MINPP1: variants seen among roughly 807,000 people sequenced by gnomAD.
MINPP1 encodes the protein multiple inositol polyphosphate phosphatase 1.
MINPP1 carries 28 observed loss-of-function variants against 46.1 expected under a neutral mutation model. The observed-to-expected ratio is 0.61, with a 90% CI of 0.45 to 0.83. The LOEUF (loss-of-function observed/expected upper bound fraction) is 0.83, where lower values mean the gene tolerates loss of function less well. Ranked by LOEUF, MINPP1 falls within the 40% of genes least tolerant of loss-of-function variation. The pLI, the probability that MINPP1 is intolerant of heterozygous loss-of-function variation, is 0.00. For missense variants in MINPP1, 603 were observed against 610.0 expected, an observed-to-expected ratio of 0.99 and a Z score of 0.12; for synonymous variants, 268 against 249.1, an observed-to-expected ratio of 1.08 and a Z score of -0.72.
At chr10:87,513,515 A>G (rs916738194) in intron 3 of MINPP1, among the ~76,000 whole-genome samples, 1 of 152,194 alleles carries the variant, frequency 6.6e-6, no homozygotes, top group Non-Finnish European at 1.5e-5. Context: ...ATCAAATTTT[A>G]CTGCTTGGAA....
intron 4 of MINPP1, among the ~76,000 whole-genome samples, chr10:87,551,748 G>A (rs893663009): frequency 6.6e-6 from 1 of 152,080 alleles, no homozygotes; most frequent in Non-Finnish European, 1.5e-5. Flanking sequence ...GCACAGAAAG[G>A]CAATACAGTG....
intron 4 of MINPP1, among the ~76,000 whole-genome samples, chr10:87,550,608 G>A (rs1232370902): frequency 1.3e-5 from 2 of 151,900 alleles, no homozygotes; most frequent in Non-Finnish European, 2.9e-5. Flanking sequence ...TTGTTTTCCT[G>A]AACATTTAGA....
intron 4 of MINPP1, among the ~76,000 whole-genome samples, chr10:87,527,792 G>A (rs1047563601): frequency 5.3e-5 from 8 of 152,098 alleles, no homozygotes; most frequent in Non-Finnish European, 1.0e-4. Context: ...GTACCAGCTC[G>A]TCTTTGTACC....
intron 4 of MINPP1, among the ~76,000 whole-genome samples, chr10:87,547,886 A>C (rs1851910419): frequency 6.6e-6 from 1 of 152,170 alleles, no homozygotes; most frequent in Non-Finnish European, 1.5e-5. Flanking sequence ...ATCGATCAAT[A>C]TGTGATAGCA....
At chr10:87,551,448 A>C (rs1381741091) in intron 4 of MINPP1, among the ~76,000 whole-genome samples, 1 of 152,152 alleles carries the variant, frequency 6.6e-6, no homozygotes, top group Non-Finnish European at 1.5e-5. Flanking sequence ...CAAGAAAAAG[A>C]ATTGATTCAG....
At chr10:87,521,249 T>A in intron 4 of MINPP1, 80 bp downstream of exon 4, 2 of 1,145,010 alleles carry the variant, frequency 1.7e-6, no homozygotes, top group Non-Finnish European at 2.6e-6. Context: ...TGAGTAATTT[T>A]AAAAAATAGT....
chr10:87,513,950 G>A (rs1240363803), intron 3 of MINPP1, among the ~76,000 whole-genome samples: 1 of 152,116 alleles, frequency 6.6e-6, no homozygotes, highest in East Asian at 1.9e-4. Context: ...GATCTCCAGA[G>A]GCTGCTTGCA....
chr10:87,540,777 TTTAAGA>T (rs1851805156), intron 4 of MINPP1, among the ~76,000 whole-genome samples: 1 of 152,202 alleles, frequency 6.6e-6, no homozygotes, highest in African/African-American at 2.4e-5. Context: ...ATTGGACTCT[TTTAAGA>T]TTAACTCTAA....
rs1040731000 is a variant in MINPP1, at chr10:87,524,763, T to G, written c.1067+3594T>G. 2.6e-5 allele frequency among the ~76,000 whole-genome samples: 4 copies of G among 152,166 alleles called. No individual in the cohort carries two copies. In the East Asian group the frequency reaches 7.7e-4, roughly 29 times the overall value. ...GGAGGAGAGGAAAGAGGATGGAGAA[T>G]GGCTGGTCGGTGGAGCAGTCAGAAC... is the stretch of plus-strand genomic sequence containing the variant. On this transcript the variant is annotated intron_variant, in intron 4 of 4. Transcript: ENST00000371996.
chr10:87,539,958 C>T (rs1281379360), intron 4 of MINPP1, among the ~76,000 whole-genome samples: 2 of 152,232 alleles, frequency 1.3e-5, no homozygotes, highest in Non-Finnish European at 2.9e-5. Context: ...CCTCGACTTC[C>T]TGGGCTCAAG....
At chr10:87,528,426 T>G (rs945303055) in intron 4 of MINPP1, among the ~76,000 whole-genome samples, 1 of 152,262 alleles carries the variant, frequency 6.6e-6, no homozygotes, top group Non-Finnish European at 1.5e-5. Flanking sequence ...TCTCATTGGT[T>G]TCAAAGAACA....
chr10:87,540,988 T>C (rs1338626085), intron 4 of MINPP1, among the ~76,000 whole-genome samples: 1 of 152,224 alleles, frequency 6.6e-6, no homozygotes, highest in African/African-American at 2.4e-5. Context: ...CAAACCCTAC[T>C]GTATGTGCAC....
At chr10:87,522,327 A>G (rs188715431) in intron 4 of MINPP1, among the ~76,000 whole-genome samples, 341 of 152,340 alleles carry the variant, frequency 2.2e-3, no homozygotes, top group African/African-American at 7.9e-3. Flanking sequence ...ATTGATGCGC[A>G]ATATATTGGA....
At chr10:87,506,009 T>C (rs1174296684) in intron 1 of MINPP1, among the ~76,000 whole-genome samples, 1 of 150,832 alleles carries the variant, frequency 6.6e-6, no homozygotes, top group African/African-American at 2.5e-5. Flanking sequence ...GATACTAGTT[T>C]TTCCTTCTTT....
At chr10:87,524,241 T>G (rs1366391175) in intron 4 of MINPP1, among the ~76,000 whole-genome samples, 2 of 152,218 alleles carry the variant, frequency 1.3e-5, no homozygotes, top group Non-Finnish European at 2.9e-5. Flanking sequence ...TCAACTTACA[T>G]TTTTGTGTTA....
At position 87,505,312 on chromosome 10, in the gene MINPP1, G is replaced by T. The variant is rs777297327; in HGVS notation, c.397G>T (p.Asp133Tyr). The change falls in exon 1 of 5, where the codon GAC (aspartate) becomes TAC (tyrosine). Residue 133 changes from aspartate to tyrosine, a missense_variant. Coordinates refer to ENST00000371996, the MANE Select transcript of MINPP1 (RefSeq NM_004897.5). This position sits in a 1 kb window ranked among gnomAD's most constrained non-coding sequence, Gnocchi z 4.4. ...CCGCGACCTGGGTGCAGCGCTGGCC[G>T]ACTGGCCTTTGTGGTACGCGGACTG... ...GSRDLGAALADWPLWYADWMD... is the reference protein window; with the variant it reads ...GSRDLGAALAYWPLWYADWMD... 2.5e-6 allele frequency: 4 copies of T among 1,612,258 alleles called. No individual in the cohort carries two copies. The highest frequency in any genetic ancestry group is 2.2e-5 in the South Asian group (2 of 91,036).
chr10:87,521,662 C>T (rs117741060), intron 4 of MINPP1, among the ~76,000 whole-genome samples: 8 of 152,258 alleles, frequency 5.3e-5, no homozygotes, highest in Admixed American at 1.3e-4. Context: ...TTCATTTTCA[C>T]TGTAGTACAA....
chr10:87,542,449 A>G (rs938076203), intron 4 of MINPP1, among the ~76,000 whole-genome samples: 18 of 151,884 alleles, frequency 1.2e-4, no homozygotes, highest in African/African-American at 4.1e-4. Flanking sequence ...TCAGGAGTGC[A>G]CCACCATGCC....
chr10:87,513,243 T>G, intron 3 of MINPP1, 22 bp downstream of exon 3: 1 of 1,596,562 alleles, frequency 6.3e-7, no homozygotes, highest in Non-Finnish European at 8.6e-7. Flanking sequence ...TTTTGCAGTT[T>G]CTTTGCTTTT....
Sources: gnomAD v4.1 joint callset for allele counts (sites outside exome capture counted in the v4.1 genomes callset) on GRCh38, gnomAD v4.1.1 for gene constraint, Gnocchi (gnomAD v3.1) non-coding constraint, MANE v1.5 for transcripts, NCBI Gene and HGNC (gene_info 2026-07-23, HGNC 2026-07-21) for gene names.